The following NBEA variants were observed in gnomAD, a reference collection of about 807,000 sequenced individuals.
The protein encoded by NBEA is neurobeachin, also known as lysosomal-trafficking regulator 2.
Under a neutral mutation model 343.4 loss-of-function variants are expected in NBEA, and 44 were observed. The observed-to-expected ratio is 0.13, with a 90% CI of 0.10 to 0.16. The LOEUF is 0.16. Ranked by LOEUF, NBEA falls within the 10% of genes least tolerant of loss-of-function variation. The probability of loss-of-function intolerance (pLI) is 1.00; values close to 1 mark genes in which losing one functional copy is unlikely to be tolerated. For synonymous variants in NBEA, 1,175 were observed against 1,238.7 expected (o/e 0.95, Z 1.08); for missense variants, 2,555 against 3,631.3 (o/e 0.70, Z 7.62).
chr13:35,404,545 T>C (rs1462257744), intron 38 of NBEA, among the ~76,000 whole-genome samples: 2 of 141,578 alleles, frequency 1.4e-5, no homozygotes, highest in East Asian at 2.1e-4. Context: ...TAGGTGGGAA[T>C]TGAACAATGA....
intron 26 of NBEA, among the ~76,000 whole-genome samples, 181 bp downstream of exon 26, chr13:35,171,633 C>T (rs2070471606): frequency 6.6e-6 from 1 of 151,828 alleles, no homozygotes; most frequent in Admixed American, 6.6e-5. Flanking sequence ...AAAATTATGC[C>T]TTCACATTGG....
At chr13:34,963,590 T>C (rs535256539) in intron 1 of NBEA, among the ~76,000 whole-genome samples, 161 of 152,160 alleles carry the variant, frequency 1.1e-3, no homozygotes, top group African/African-American at 3.8e-3. Context: ...ATGTAAGGTC[T>C]TTTATTAGTA....
intron 41 of NBEA, among the ~76,000 whole-genome samples, chr13:35,506,277 C>T (rs1288477559): frequency 6.6e-6 from 1 of 152,040 alleles, no homozygotes; most frequent in Non-Finnish European, 1.5e-5. Context: ...CTTTGTTGCC[C>T]AGGCTAGTCT....
intron 40 of NBEA, among the ~76,000 whole-genome samples, chr13:35,471,118 T>G (rs1024701042): frequency 2.0e-5 from 3 of 152,134 alleles, no homozygotes; most frequent in African/African-American, 7.2e-5. Context: ...CTGTCACAGT[T>G]TGCTCCTTAG....
At chr13:34,956,212 A>G (rs1475461498) in intron 1 of NBEA, among the ~76,000 whole-genome samples, 1 of 152,220 alleles carries the variant, frequency 6.6e-6, no homozygotes, top group Non-Finnish European at 1.5e-5. Context: ...TGAATAGATG[A>G]AAATTAACAT....
chr13:35,301,303 T>A (rs964569718), intron 35 of NBEA, among the ~76,000 whole-genome samples: 4 of 152,094 alleles, frequency 2.6e-5, no homozygotes, highest in Admixed American at 1.3e-4. Flanking sequence ...AAGCTCCGCA[T>A]GCATTAGGTA....
At chr13:35,298,484 C>G (rs2036310034) in intron 35 of NBEA, among the ~76,000 whole-genome samples, 1 of 151,594 alleles carries the variant, frequency 6.6e-6, no homozygotes, top group Non-Finnish European at 1.5e-5. Context: ...TTTAATATAA[C>G]TTAGTACCTA....
chr13:35,210,967 C>G, intron 32 of NBEA, 86 bp from the exon 33 acceptor site: 2 of 1,375,520 alleles, frequency 1.5e-6, no homozygotes, highest in South Asian at 2.8e-5. Context: ...ATGAGTAATT[C>G]TTTCAAAATC....
At chr13:35,135,512 T>C (rs1416130336) in intron 17 of NBEA, among the ~76,000 whole-genome samples, 2 of 151,980 alleles carry the variant, frequency 1.3e-5, no homozygotes, top group Non-Finnish European at 2.9e-5. Flanking sequence ...GAAGACTCAA[T>C]TATATAAAGA....
chr13:35,424,609 T>G (rs1438814986), intron 38 of NBEA, among the ~76,000 whole-genome samples: 1 of 152,188 alleles, frequency 6.6e-6, no homozygotes, highest in Non-Finnish European at 1.5e-5. Flanking sequence ...TCTAAAATTC[T>G]CTTTTTCAGT....
intron 48 of NBEA, among the ~76,000 whole-genome samples, chr13:35,623,013 A>G (rs2083062865): frequency 6.6e-6 from 1 of 152,194 alleles, no homozygotes; most frequent in Admixed American, 6.5e-5. Context: ...TCTAGTTTAA[A>G]TATCACTCTT....
intron 33 of NBEA, among the ~76,000 whole-genome samples, chr13:35,225,022 G>A (rs1015189263): frequency 5.9e-5 from 9 of 152,094 alleles, no homozygotes; most frequent in Non-Finnish European, 1.0e-4. Context: ...TTTGTGTTTA[G>A]TTAGGTGCTA....
At chr13:34,955,747 G>A (rs915878629) in intron 1 of NBEA, among the ~76,000 whole-genome samples, 1 of 152,004 alleles carries the variant, frequency 6.6e-6, no homozygotes, top group Non-Finnish European at 1.5e-5. Flanking sequence ...ATATCTTTCA[G>A]TTAGGAGGAG....
At chr13:34,974,890 A>G (rs1210705591) in intron 1 of NBEA, among the ~76,000 whole-genome samples, 1 of 152,178 alleles carries the variant, frequency 6.6e-6, no homozygotes, top group Non-Finnish European at 1.5e-5. Context: ...TTTTACTTAA[A>G]TACCTATTAA....
chr13:35,452,106 G>A lies in NBEA; in HGVS notation c.6319G>A (p.Val2107Ile). The A allele has an allele frequency of 6.2e-7, 1 of 1,612,316 alleles. No individual in the cohort carries two copies. Among genetic ancestry groups the A allele is most frequent in the Middle Eastern group, 1.7e-4 (1 of 6,050 alleles). The change falls in exon 40 of 59, where the codon GTA (valine) becomes ATA (isoleucine). Residue 2107 changes from valine to isoleucine, a missense_variant. Val to Ile is a conservative substitution (Grantham distance 29). Coordinates refer to ENST00000379939, the MANE Select transcript of NBEA (RefSeq NM_001385012.1). ...AAIEYGTEEDVVKSKKTFRSQ... is the reference protein window; with the variant it reads ...AAIEYGTEEDIVKSKKTFRSQ... ...GTTGTGATTAGGCACGGAAGAAGAT[G>A]TAGTAAAGTCAAAGAAAACATTCAG...
intron 17 of NBEA, among the ~76,000 whole-genome samples, chr13:35,126,679 G>A (rs552085388): frequency 6.6e-6 from 1 of 152,246 alleles, no homozygotes; most frequent in South Asian, 2.1e-4. Flanking sequence ...AGCACTTTGG[G>A]AGGCCGAGGT....
chr13:35,540,374 G>A (rs544481605), intron 41 of NBEA, among the ~76,000 whole-genome samples: 20 of 152,178 alleles, frequency 1.3e-4, no homozygotes, highest in African/African-American at 3.4e-4. Context: ...CTAGAAATTC[G>A]TTTATTTTCA....
chr13:35,221,854 A>G (rs564578200), intron 33 of NBEA, among the ~76,000 whole-genome samples: 29 of 152,220 alleles, frequency 1.9e-4, no homozygotes, highest in African/African-American at 5.1e-4. Context: ...TTGAATTTCA[A>G]TCATTCAGTT....
chr13:35,534,164 C>T (rs1001665948), intron 41 of NBEA, among the ~76,000 whole-genome samples: 6 of 152,130 alleles, frequency 3.9e-5, no homozygotes, highest in East Asian at 1.9e-4. Context: ...TCATAATACT[C>T]GTAAATCTGC....
Sources: gnomAD v4.1 joint callset for allele counts (sites outside exome capture counted in the v4.1 genomes callset) on GRCh38, gnomAD v4.1.1 for gene constraint, MANE v1.5 for transcripts, NCBI Gene and HGNC (gene_info 2026-07-23, HGNC 2026-07-21) for gene names.